Variants in ZNF469 observed in about 807,000 individuals in gnomAD.
The protein encoded by ZNF469 is zinc finger protein 469.
Under a neutral mutation model 1.0 loss-of-function variants are expected in ZNF469, and 1 was observed. The ratio of observed to expected loss-of-function variants is 1.00; its 90% CI spans 0.35 to 4.73. ZNF469 has a LOEUF of 4.73. Ranked by LOEUF, ZNF469 falls within the 30% of genes most tolerant of loss-of-function variation. The pLI, the probability that ZNF469 is intolerant of heterozygous loss-of-function variation, is 0.16. For missense variants in ZNF469, 6,100 were observed against 5,356.3 expected (o/e 1.14, Z -4.33); for synonymous variants, 2,703 against 2,363.4 (o/e 1.14, Z -4.17).
Position 88,427,963 on chromosome 16 carries a change from G to C in ZNF469, c.493G>C (p.Gly165Arg). The change falls in exon 3 of 3, where the codon GGC (glycine) becomes CGC (arginine). Residue 165 changes from glycine (G) to arginine (R), a missense_variant. Transcript: ENST00000565624. ...GPGTGAPLRP[G>R]LPRTEAQPAA... The stretch of plus-strand genomic sequence containing the variant: ...TGGGACTGGAGCTCCACTCAGGCCG[G>C]GCCTCCCAAGGACTGAGGCCCAACC... 1.3e-6 allele frequency: 2 copies of C among 1,549,942 alleles called. No homozygotes were observed. The highest frequency in any genetic ancestry group is 1.7e-4 in the Middle Eastern group (1 of 5,990).
At chr16:88,405,698 G>A (rs558523901) in intron 1 of ZNF469, among the ~76,000 whole-genome samples, 67 of 152,314 alleles carry the variant, frequency 4.4e-4, no homozygotes, top group African/African-American at 1.5e-3. Context: ...AGTACCCCCA[G>A]GAAGTGCACG....
chr16:88,224,584 G>A, the ZNF469 span, among the ~76,000 whole-genome samples: 2 of 152,226 alleles, frequency 1.3e-5, no homozygotes, highest in Non-Finnish European at 2.9e-5. Context: ...TGAGGAGACT[G>A]AGGCGCAGAG....
chr16:88,111,947 T>C, the ZNF469 span, among the ~76,000 whole-genome samples: 1 of 152,186 alleles, frequency 6.6e-6, no homozygotes, highest in Non-Finnish European at 1.5e-5. Context: ...AAACGTGTTG[T>C]TTTTCTTTCC....
chr16:88,348,746 C>T, the ZNF469 span, among the ~76,000 whole-genome samples: 94 of 152,304 alleles, frequency 6.2e-4, 2 homozygotes, highest in South Asian at 6.8e-3. Context: ...CTGCCTCAGC[C>T]GCCCCACTGC....
chr16:88,394,175 G>T (rs879792573), intron 1 of ZNF469, among the ~76,000 whole-genome samples: 1 of 145,294 alleles, frequency 6.9e-6, no homozygotes, highest in Admixed American at 6.9e-5. Flanking sequence ...GGTTTGACAG[G>T]TCTACACCTG....
At chr16:88,395,311 G>A (rs1306513399) in intron 1 of ZNF469, among the ~76,000 whole-genome samples, 2 of 149,270 alleles carry the variant, frequency 1.3e-5, no homozygotes, top group Non-Finnish European at 1.5e-5. Context: ...GGGTTGGGTG[G>A]GTGGGTGGAT....
At chr16:88,334,032 G>A in the ZNF469 span, among the ~76,000 whole-genome samples, 1 of 151,334 alleles carries the variant, frequency 6.6e-6, no homozygotes, top group Non-Finnish European at 1.5e-5. Context: ...GTCTGTGTGT[G>A]CATGTGTGTC....
the ZNF469 span, among the ~76,000 whole-genome samples, chr16:88,161,720 A>G: frequency 1.3e-5 from 2 of 152,202 alleles, no homozygotes; most frequent in Admixed American, 1.3e-4. Context: ...AGGGGAAAAA[A>G]AAAGCTAGCT....
rs753503425 is a variant in ZNF469, at chr16:88,439,320, T to C, written c.11850T>C (p.Asp3950=). The part of the protein sequence containing the change: ...LTGFKIPLKK[D]ASE Reference sequence around the variant, plus strand: ...GCTTCAAAATCCCTTTAAAGAAAGATGCTTCCGAGTAATTTCTAGGAGCAA... The same window carrying C: ...GCTTCAAAATCCCTTTAAAGAAAGACGCTTCCGAGTAATTTCTAGGAGCAA... Residue 3950 remains aspartate, a synonymous_variant, in exon 3 of 3, where the codon GAT becomes GAC. Transcript: ENST00000565624. The C allele has an allele frequency of 2.6e-6, 4 of 1,550,216 alleles. No individual in the cohort carries two copies. Among genetic ancestry groups the C allele is most frequent in the Non-Finnish European group, 1.7e-6 (2 of 1,146,984 alleles).
chr16:88,107,996 C>T, the ZNF469 span, among the ~76,000 whole-genome samples: 1 of 152,254 alleles, frequency 6.6e-6, no homozygotes, highest in South Asian at 2.1e-4. Context: ...GTCAACTCCT[C>T]CATGCGATCT....
At chr16:88,160,022 C>CT in the ZNF469 span, among the ~76,000 whole-genome samples, 1 of 152,218 alleles carries the variant, frequency 6.6e-6, no homozygotes, top group African/African-American at 2.4e-5. Context: ...TGTTTTCCCC[C>CT]TTTCTGACTC....
the ZNF469 span, among the ~76,000 whole-genome samples, chr16:88,210,367 T>C: frequency 6.6e-6 from 1 of 152,106 alleles, no homozygotes; most frequent in Admixed American, 6.6e-5. Flanking sequence ...GCGGTATTTT[T>C]TAACCATGGA....
chr16:88,262,380 G>C, the ZNF469 span, among the ~76,000 whole-genome samples: 2 of 152,208 alleles, frequency 1.3e-5, no homozygotes, highest in Non-Finnish European at 2.9e-5. This position sits in a 1 kb window ranked among gnomAD's most constrained non-coding sequence, Gnocchi z 4.3. Flanking sequence ...TCAGTGACTG[G>C]AGAGGGGCCA....
chr16:88,109,659 G>A, the ZNF469 span, among the ~76,000 whole-genome samples: 19 of 148,410 alleles, frequency 1.3e-4, no homozygotes, highest in Non-Finnish European at 2.4e-4. Flanking sequence ...CTGTGTCCAC[G>A]CTGTCTCCTC....
the ZNF469 span, among the ~76,000 whole-genome samples, chr16:88,358,621 G>A: frequency 5.1e-4 from 77 of 152,324 alleles, no homozygotes; most frequent in Non-Finnish European, 7.2e-4. Context: ...CTCTTGCAGA[G>A]AACGCCAGGT....
the ZNF469 span, among the ~76,000 whole-genome samples, chr16:88,257,634 A>G: frequency 6.6e-6 from 1 of 152,076 alleles, no homozygotes; most frequent in Admixed American, 6.6e-5. Context: ...TAGGAGTTTT[A>G]TAGTTTTTCA....
chr16:88,218,211 C>G, the ZNF469 span, among the ~76,000 whole-genome samples: 1 of 148,114 alleles, frequency 6.8e-6, no homozygotes, highest in East Asian at 2.0e-4. Context: ...AGCATTTTTT[C>G]ATGTGTTTTT....
the ZNF469 span, among the ~76,000 whole-genome samples, chr16:88,249,382 A>T: frequency 7.0e-6 from 1 of 143,488 alleles, no homozygotes. Context: ...GGACTACACC[A>T]CAACTGCCAT....
At chr16:88,113,438 G>C in the ZNF469 span, among the ~76,000 whole-genome samples, 13 of 152,338 alleles carry the variant, frequency 8.5e-5, no homozygotes, top group African/African-American at 3.1e-4. Flanking sequence ...GGCTCTTCCA[G>C]CTGGTGAGTT....
Sources: allele counts gnomAD v4.1 joint callset (sites outside exome capture counted in the v4.1 genomes callset), GRCh38; gene constraint gnomAD v4.1.1; non-coding constraint Gnocchi (gnomAD v3.1); transcripts MANE v1.5; gene names NCBI Gene and HGNC (gene_info 2026-07-23, HGNC 2026-07-21).